Variants in WDR47 observed in about 807,000 individuals in gnomAD.
WDR47 encodes WD repeat domain 47.
In WDR47, 32 loss-of-function variants were observed where a neutral mutation model predicts 97.2. The ratio of observed to expected loss-of-function variants is 0.33; its 90% CI spans 0.25 to 0.44. The LOEUF (loss-of-function observed/expected upper bound fraction) is 0.44. Ranked by LOEUF, WDR47 falls within the 20% of genes least tolerant of loss-of-function variation. The pLI is 1.00. For missense variants in WDR47, 782 were observed against 1,102.3 expected, an observed-to-expected ratio of 0.71 and a Z score of 4.11; for synonymous variants, 375 against 373.5, an observed-to-expected ratio of 1.00 and a Z score of -0.05.
intron 13 of WDR47, among the ~76,000 whole-genome samples, chr1:108,976,344 A>C (rs1356242376): frequency 6.6e-6 from 1 of 151,662 alleles, no homozygotes. Context: ...AGAAAATAAG[A>C]GAACCATTAT....
rs779935387 is a variant in WDR47 at position 108,971,286 on chromosome 1, C to G, written c.*144G>C. 32 of 1,116,178 alleles carry G rather than the reference C, an allele frequency of 2.9e-5. No homozygotes were observed. Among genetic ancestry groups the G allele is most frequent in the African/African-American group, 2.0e-4 (13 of 64,170 alleles). 69.1% of individuals were successfully genotyped at this position (1,116,178 alleles called of 1,614,324 possible). A position where few individuals can be genotyped will look rare whatever the true frequency, so the allele number is the denominator to read the frequency against. On this transcript the variant is annotated 3_prime_UTR_variant, in exon 15 of 15. Coordinates refer to ENST00000369962, the MANE Select transcript of WDR47 (RefSeq NM_001142551.2). ...GCGGAATAACACCACCCAACACCTC[C>G]TATCAGTGGGATACATGGTAATAAG...
intron 1 of WDR47, among the ~76,000 whole-genome samples, chr1:109,036,183 G>A (rs1436419648): frequency 2.0e-5 from 3 of 151,904 alleles, no homozygotes; most frequent in African/African-American, 7.3e-5. Context: ...TTGTCTAATC[G>A]ATCCTTACAA....
At chr1:108,991,088 C>T (rs1039748964) in intron 9 of WDR47, among the ~76,000 whole-genome samples, 166 bp downstream of exon 9, 2 of 151,662 alleles carry the variant, frequency 1.3e-5, no homozygotes, top group African/African-American at 4.8e-5. Context: ...TTCTAGTACT[C>T]TACAATCTCA....
In WDR47 at chr1:108,992,682, G is replaced by A. The variant is rs557211445; in HGVS notation, c.1692-1353C>T. 2,036 of 1,523,932 alleles carry A rather than the reference G, an allele frequency of 1.3e-3. 24 individuals carry two copies. In the African/African-American group the frequency reaches 0.025, roughly 19 times the overall value. The allele number at this position is 1,523,932 out of a possible 1,614,324, so 94.4% of individuals were successfully genotyped here. A position where few individuals can be genotyped will look rare whatever the true frequency, so the allele number is the denominator to read the frequency against. On this transcript the variant is annotated intron_variant, in intron 8 of 14. Coordinates refer to ENST00000369962, the MANE Select transcript of WDR47 (RefSeq NM_001142551.2). ...CGCCGCCGGACCTACAGAGCTCATGGTCGGATTAACCCATACATGAGCTCT... is the reference window on the plus strand; with the variant it reads ...CGCCGCCGGACCTACAGAGCTCATGATCGGATTAACCCATACATGAGCTCT...
At chr1:109,018,079 T>C (rs1557952214) in intron 2 of WDR47, among the ~76,000 whole-genome samples, 1 of 151,964 alleles carries the variant, frequency 6.6e-6, no homozygotes, top group African/African-American at 2.4e-5. Flanking sequence ...TGTAACAACA[T>C]ACACTGTATG....
At chr1:109,030,202 C>G in intron 1 of WDR47, 5 of 1,540,434 alleles carry the variant, frequency 3.2e-6, no homozygotes, top group Non-Finnish European at 3.5e-6. Context: ...TCACCACGGT[C>G]TTTAGCCATG....
intron 7 of WDR47, among the ~76,000 whole-genome samples, chr1:108,998,608 T>C (rs191341477): frequency 6.6e-6 from 1 of 152,236 alleles, no homozygotes; most frequent in African/African-American, 2.4e-5. Context: ...ATGGTGCCAA[T>C]TATTAGTATT....
intron 8 of WDR47, among the ~76,000 whole-genome samples, chr1:108,995,264 C>A (rs1466587786): frequency 6.6e-6 from 1 of 152,006 alleles, no homozygotes; most frequent in African/African-American, 2.4e-5. Context: ...TTCAAAGATG[C>A]CAACTGAAGA....
At chr1:109,001,059 G>T (rs2101899070) in intron 7 of WDR47, among the ~76,000 whole-genome samples, 1 of 152,098 alleles carries the variant, frequency 6.6e-6, no homozygotes, top group East Asian at 1.9e-4. Flanking sequence ...CTTTGGGAGT[G>T]GGCGGATCAC....
At chr1:109,037,965 T>C (rs1663081111) in intron 1 of WDR47, among the ~76,000 whole-genome samples, 1 of 152,058 alleles carries the variant, frequency 6.6e-6, no homozygotes, top group Non-Finnish European at 1.5e-5. Flanking sequence ...CCCCAGTAGC[T>C]AGGACCACAG....
intron 1 of WDR47, among the ~76,000 whole-genome samples, chr1:109,040,513 T>A (rs866144648): frequency 6.9e-5 from 10 of 144,220 alleles, no homozygotes; most frequent in South Asian, 2.2e-4. Context: ...TAAAATCCCG[T>A]CCAAAAAAAA....
At position 108,971,374 on chromosome 1, in the gene WDR47, A is replaced by G. The variant is rs1657442703; in HGVS notation, c.*56T>C. On this transcript the variant is annotated 3_prime_UTR_variant, in exon 15 of 15. Coordinates refer to ENST00000369962, the MANE Select transcript of WDR47 (RefSeq NM_001142551.2). Reference sequence around the variant, plus strand: ...GTTCTTCAGATTTGTAATTTTCACAACTCAGTAGTCTTAAGTCTCTGTGCT... The same window carrying G: ...GTTCTTCAGATTTGTAATTTTCACAGCTCAGTAGTCTTAAGTCTCTGTGCT... 6 of 1,605,064 alleles carry G rather than the reference A, an allele frequency of 3.7e-6. No homozygotes were observed. The highest frequency in any genetic ancestry group is 5.1e-6 in the Non-Finnish European group (6 of 1,174,486).
chr1:108,982,903 T>C, intron 11 of WDR47, 124 bp from the exon 12 acceptor site: 1 of 1,114,108 alleles, frequency 9.0e-7, no homozygotes, highest in East Asian at 2.6e-5. Flanking sequence ...TGTATTTTCA[T>C]TTAGGGATTG....
chr1:109,026,324 T>G (rs1662213424), intron 1 of WDR47, among the ~76,000 whole-genome samples: 1 of 149,206 alleles, frequency 6.7e-6, no homozygotes, highest in Non-Finnish European at 1.5e-5. Flanking sequence ...GTGTTGGGAT[T>G]ACAGGGATGA....
In WDR47 at chr1:109,012,572, C is replaced by CAAAAAAAAAAAAA. The variant is rs57237933; in HGVS notation, c.328-867_328-855dup. Among the ~76,000 whole-genome samples the CAAAAAAAAAAAAA allele has an allele frequency of 1.9e-3, 143 of 73,808 alleles. 4 individuals carry two copies. Among genetic ancestry groups the CAAAAAAAAAAAAA allele is most frequent in the African/African-American group, 6.0e-3 (100 of 16,730 alleles). 48.4% of individuals were successfully genotyped at this position (73,808 alleles called of 152,430 possible). ...TGGGTGACAGTGTGAGACTCCATCT[C>CAAAAAAAAAAAAA]AAAAAAAAAAAAAAAAAACAGAAAG... On this transcript the variant is annotated intron_variant, in intron 4 of 14. Coordinates refer to ENST00000369962, the MANE Select transcript of WDR47 (RefSeq NM_001142551.2).
Position 109,011,322 on chromosome 1 carries a change from G to C in WDR47, c.724C>G (p.Leu242Val), listed in dbSNP as rs749478040. The change falls in exon 5 of 15, where the codon CTG becomes GTG. Residue 242 changes from leucine (L) to valine (V), a missense_variant. This residue lies in a region of WDR47 where 428 missense variants were observed against 584.3 expected (regional missense o/e 0.73). Coordinates refer to ENST00000369962, the MANE Select transcript of WDR47 (RefSeq NM_001142551.2). ...LCGNGCDDLDLSLLSWLQNLP... is the reference protein window; with the variant it reads ...LCGNGCDDLDVSLLSWLQNLP... ...TTCTGAAGCCATGACAGTAAACTCA[G>C]ATCCAAATCATCACAACCATTACCA... The C allele has an allele frequency of 6.2e-7, 1 of 1,614,192 alleles. No individual in the cohort carries two copies. The highest frequency in any genetic ancestry group is 1.7e-5 in the Admixed American group (1 of 60,018).
chr1:109,002,530 T>A, intron 6 of WDR47, 128 bp from the exon 7 acceptor site: 1 of 784,624 alleles, frequency 1.3e-6, no homozygotes, highest in South Asian at 2.7e-5. Context: ...AAATACTTAA[T>A]CTATTGCTCT....
chr1:108,997,994 AC>A (rs1295275810), intron 7 of WDR47, among the ~76,000 whole-genome samples: 1 of 152,148 alleles, frequency 6.6e-6, no homozygotes, highest in Admixed American at 6.5e-5. Flanking sequence ...GTTTAAAAAT[AC>A]TTCCAAAAAA....
At chr1:109,011,958 G>A (rs1661060725) in intron 4 of WDR47, among the ~76,000 whole-genome samples, 1 of 151,838 alleles carries the variant, frequency 6.6e-6, no homozygotes, top group African/African-American at 2.4e-5. Context: ...TATAATTCAG[G>A]CATAAGACAG....
Sources: gnomAD v4.1 joint callset for allele counts (sites outside exome capture counted in the v4.1 genomes callset) on GRCh38, gnomAD v4.1.1 for gene constraint, gnomAD v4.1.1 regional missense constraint, MANE v1.5 for transcripts, NCBI Gene and HGNC (gene_info 2026-07-23, HGNC 2026-07-21) for gene names.